RTP1: variants seen among roughly 807,000 people sequenced by gnomAD.
RTP1 encodes the protein receptor-transporting protein 1.
RTP1 carries 24 observed loss-of-function variants against 27.1 expected under a neutral mutation model. The ratio of observed to expected loss-of-function variants is 0.89; its 90% CI spans 0.64 to 1.25. The LOEUF (loss-of-function observed/expected upper bound fraction) is 1.25. Ranked by LOEUF, RTP1 falls within the 50% of genes most tolerant of loss-of-function variation. The probability of loss-of-function intolerance (pLI) is 0.00; values close to 1 mark genes in which losing one functional copy is unlikely to be tolerated. For missense variants in RTP1, 338 were observed against 351.6 expected (o/e 0.96, Z 0.31); for synonymous variants, 148 against 148.1 (o/e 1.00, Z 0.00).
Position 187,199,790 on chromosome 3 carries a change from G to C in RTP1, c.512G>C (p.Gly171Ala). 6.2e-7 allele frequency: 1 copy of C among 1,612,944 alleles called. No individual in the cohort carries two copies. The change falls in exon 2 of 2, where the codon GGC (glycine) becomes GCC (alanine). Residue 171 changes from glycine (G) to alanine (A), a missense_variant. Coordinates refer to ENST00000312295, the MANE Select transcript of RTP1 (RefSeq NM_153708.3). ...LREQCYGERG[G>A]QYRIHVASRQ... ...GAGCAGTGCTACGGCGAGCGTGGCG[G>C]CCAGTACCGCATCCACGTGGCCAGC...
Position 187,200,273 on chromosome 3 carries a change from C to A in RTP1, c.*203C>A. 2.2e-6 allele frequency: 1 copy of A among 448,574 alleles called. No homozygotes were observed. Among genetic ancestry groups the A allele is most frequent in the Non-Finnish European group, 3.7e-6 (1 of 271,244 alleles). The allele number at this position is 448,574 out of a possible 1,614,324, so 27.8% of individuals were successfully genotyped here. ...ATCATTGGTTTATCATAGTGAAACC[C>A]AGGACCCCAAAGTTCTGCGTAGGTG... On this transcript the variant is annotated 3_prime_UTR_variant, in exon 2 of 2. Coordinates refer to ENST00000312295, the MANE Select transcript of RTP1 (RefSeq NM_153708.3).
In RTP1 at chr3:187,200,450, CAAAAA is replaced by C. The variant is rs9331294; in HGVS notation, c.*395_*399del. Reference sequence around the variant, plus strand: ...AGGGTTCCATTTAAGATTTTTGTACCAAAAAAAAAAAAAAAAAAAGTTTAACTACT... The same window carrying C: ...AGGGTTCCATTTAAGATTTTTGTACCAAAAAAAAAAAAAAGTTTAACTACT... On this transcript the variant is annotated 3_prime_UTR_variant, in exon 2 of 2. Coordinates refer to ENST00000312295, the MANE Select transcript of RTP1 (RefSeq NM_153708.3). The C allele has an allele frequency of 6.0e-5, 7 of 116,266 alleles. No homozygotes were observed. Among genetic ancestry groups the C allele is most frequent in the South Asian group, 2.7e-4 (1 of 3,742 alleles). 7.2% of individuals were successfully genotyped at this position (116,266 alleles called of 1,614,324 possible).
In RTP1 at chr3:187,199,868, G is replaced by A. The variant is rs1721681556; in HGVS notation, c.590G>A (p.Gly197Asp). The change falls in exon 2 of 2, where the codon GGC becomes GAC. Residue 197 changes from glycine to aspartate, a missense_variant. Gly to Asp is a moderately conservative substitution (Grantham distance 94). Transcript: ENST00000312295. ...RGEFCEACQE[G>D]IVHWKPSEKL... ...GAGTTCTGCGAGGCCTGCCAGGAGG[G>A]CATCGTGCACTGGAAGCCCAGCGAG... is the stretch of plus-strand genomic sequence containing the variant. 1 of 1,597,766 alleles carries A rather than the reference G, an allele frequency of 6.3e-7. No homozygotes were observed. Among genetic ancestry groups the A allele is most frequent in the Non-Finnish European group, 8.6e-7 (1 of 1,167,736 alleles).
At chr3:187,199,471 C>G in intron 1 of RTP1, 80 bp from the exon 2 acceptor site, 1 of 1,455,226 alleles carries the variant, frequency 6.9e-7, no homozygotes, top group Non-Finnish European at 9.3e-7. Context: ...TTAGCCTCCA[C>G]GTCCCCTCAC....
chr3:187,199,293 G>A, intron 1 of RTP1: 2 of 475,880 alleles, frequency 4.2e-6, no homozygotes, highest in Non-Finnish European at 7.5e-6. Context: ...GGTGGTGGGA[G>A]TTAGGCCTCT....
chr3:187,199,934 G>C lies in RTP1; in HGVS notation c.656G>C (p.Arg219Pro). The C allele has an allele frequency of 1.3e-6, 2 of 1,596,118 alleles. No individual in the cohort carries two copies. Among genetic ancestry groups the C allele is most frequent in the Non-Finnish European group, 8.5e-7 (1 of 1,169,808 alleles). The stretch of plus-strand genomic sequence containing the variant: ...GAGGCGACCACCTACACCTTCTCCC[G>C]GGCGCCCAGCCCCACCAAGTCGCAG... ...EEEATTYTFS[R>P]APSPTKSQDQ... The change falls in exon 2 of 2, where the codon CGG (arginine) becomes CCG (proline). Residue 219 changes from arginine to proline, a missense_variant. Transcript: ENST00000312295.
In RTP1 at chr3:187,199,660, T is replaced by A. The variant is rs377451080; in HGVS notation, c.382T>A (p.Phe128Ile). ...GGCGGGCTCGGTGCGCATGCGCGTCTTCAAGCAGCTGTGCTATGAGTGCGG... is the reference window on the plus strand; with the variant it reads ...GGCGGGCTCGGTGCGCATGCGCGTCATCAAGCAGCTGTGCTATGAGTGCGG... ...QRAGSVRMRV[F>I]KQLCYECGTA... Residue 128 changes from phenylalanine (F) to isoleucine (I), a missense_variant, in exon 2 of 2, where the codon TTC becomes ATC. Transcript: ENST00000312295. The A allele has an allele frequency of 1.2e-6, 2 of 1,610,034 alleles. No homozygotes were observed. Among genetic ancestry groups the A allele is most frequent in the African/African-American group, 1.3e-5 (1 of 74,850 alleles).
rs773006204 is a variant in RTP1 at position 187,199,687 on chromosome 3, A to G, written c.409A>G (p.Thr137Ala). The G allele has an allele frequency of 6.8e-6, 11 of 1,612,352 alleles. No individual in the cohort carries two copies. Among genetic ancestry groups the G allele is most frequent in the Non-Finnish European group, 9.3e-6 (11 of 1,178,680 alleles). Reference sequence around the variant, plus strand: ...CAAGCAGCTGTGCTATGAGTGCGGCACGGCGCGGCTGGACGAGTCCAGCAT... The same window carrying G: ...CAAGCAGCTGTGCTATGAGTGCGGCGCGGCGCGGCTGGACGAGTCCAGCAT... ...VFKQLCYECG[T>A]ARLDESSMLE... The change falls in exon 2 of 2, where the codon ACG becomes GCG. Residue 137 changes from threonine to alanine, a missense_variant. Around this residue, in one of 3 missense-constraint regions of RTP1, gnomAD observed 252 missense variants for 231.5 expected, o/e 1.09. Transcript: ENST00000312295.
chr3:187,197,902 T>C, intron 1 of RTP1, 115 bp downstream of exon 1: 1 of 1,043,918 alleles, frequency 9.6e-7, no homozygotes, highest in Non-Finnish European at 1.4e-6. Context: ...TCAATCTCAC[T>C]ATTAGGCTGG....
At chr3:187,197,922 GA>G (rs1402113396) in intron 1 of RTP1, 135 bp downstream of exon 1, 1 of 849,220 alleles carries the variant, frequency 1.2e-6, no homozygotes, top group African/African-American at 1.7e-5. Context: ...GCGTAGACTG[GA>G]AGTCAGAGAA....
At position 187,197,548 on chromosome 3, in the gene RTP1, C is replaced by T; in HGVS notation, c.33C>T (p.Cys11=). 6.2e-7 allele frequency: 1 copy of T among 1,614,124 alleles called. No individual in the cohort carries two copies. The highest frequency in any genetic ancestry group is 8.5e-7 in the Non-Finnish European group (1 of 1,179,994). MRIFRPWRLR[C]PALHLPSLSV... ...TTTTTAGACCGTGGAGACTGCGCTG[C>T]CCTGCCCTGCACCTACCCTCACTCT... The change falls in exon 1 of 2, where the codon TGC becomes TGT. Residue 11 remains cysteine, a synonymous_variant. Transcript: ENST00000312295.
In RTP1 at chr3:187,197,604, C is replaced by T; in HGVS notation, c.89C>T (p.Ser30Phe). The change falls in exon 1 of 2, where the codon TCC becomes TTC. Residue 30 changes from serine (S) to phenylalanine (F), a missense_variant. Transcript: ENST00000312295. ...SVFSLRWKLP[S>F]LTTDETMCKS... ...TTCTCACTAAGGTGGAAATTGCCTT[C>T]CCTCACTACTGACGAGACCATGTGT... is the stretch of plus-strand genomic sequence containing the variant. 1.2e-6 allele frequency: 2 copies of T among 1,614,198 alleles called. No homozygotes were observed. The highest frequency in any genetic ancestry group is 1.7e-6 in the Non-Finnish European group (2 of 1,180,042).
rs567417140 is a variant in RTP1 at position 187,200,098 on chromosome 3, C to A, written c.*28C>A. On this transcript the variant is annotated 3_prime_UTR_variant, in exon 2 of 2. Transcript: ENST00000312295. Reference sequence around the variant, plus strand: ...TTCCGTGGTTGGGCCCAGAGCCTGTCGAGGGTGCCAGTTAGCTGATGCGAG... The same window carrying A: ...TTCCGTGGTTGGGCCCAGAGCCTGTAGAGGGTGCCAGTTAGCTGATGCGAG... The A allele has an allele frequency of 1.5e-5, 22 of 1,481,770 alleles. No homozygotes were observed. Among genetic ancestry groups the A allele is most frequent in the East Asian group, 2.3e-5 (1 of 43,570 alleles). 91.8% of individuals were successfully genotyped at this position (1,481,770 alleles called of 1,614,324 possible).
chr3:187,197,539 A>ACTGCG lies in RTP1; in HGVS notation c.29_33dup (p.Pro12AlafsTer15). 1 of 1,613,990 alleles carries ACTGCG rather than the reference A, an allele frequency of 6.2e-7. No homozygotes were observed. Among genetic ancestry groups the ACTGCG allele is most frequent in the Non-Finnish European group, 8.5e-7 (1 of 1,179,938 alleles). ...CGATGAGGATTTTTAGACCGTGGAG[A>ACTGCG]CTGCGCTGCCCTGCCCTGCACCTAC... On this transcript the variant is annotated frameshift_variant, in exon 1 of 2. Coordinates refer to ENST00000312295, the MANE Select transcript of RTP1 (RefSeq NM_153708.3). LOFTEE classifies it high-confidence loss of function.
intron 1 of RTP1, chr3:187,199,135 T>G: frequency 6.0e-6 from 1 of 165,562 alleles, no homozygotes; most frequent in Non-Finnish European, 1.3e-5. Context: ...TTTCTCCTAA[T>G]TTGGATCTAG....
At chr3:187,198,032 T>C (rs1721634334) in intron 1 of RTP1, 1 of 504,168 alleles carries the variant, frequency 2.0e-6, no homozygotes, top group Non-Finnish European at 3.5e-6. Flanking sequence ...TTTTTCCGTC[T>C]GGAAAATAAA....
In RTP1 at chr3:187,199,547, G is replaced by A. The variant is rs780132279; in HGVS notation, c.273-4G>A. On this transcript the variant is annotated splice_polypyrimidine_tract_variant and splice_region_variant and intron_variant, in intron 1 of 1. Transcript: ENST00000312295. ...TATTCCTCCCTCTCCTCCCGTCTCC[G>A]CAGGTTCCACTGCTCCTGGTGCTGG... The A allele has an allele frequency of 1.2e-5, 19 of 1,581,130 alleles. No homozygotes were observed. The East Asian group carries it at 1.8e-4, about 15-fold the overall frequency.
intron 1 of RTP1, among the ~76,000 whole-genome samples, chr3:187,198,199 A>G (rs1721638259): frequency 2.0e-5 from 3 of 152,240 alleles, no homozygotes; most frequent in African/African-American, 4.8e-5. Flanking sequence ...GTTTAAATCT[A>G]TTTAACTCAA....
chr3:187,198,278 C>T (rs1440266982), intron 1 of RTP1, among the ~76,000 whole-genome samples: 2 of 152,158 alleles, frequency 1.3e-5, no homozygotes, highest in Admixed American at 1.3e-4. Flanking sequence ...GGCTCCATGG[C>T]TGTTGAGGAA....
Sources: allele counts gnomAD v4.1 joint callset (sites outside exome capture counted in the v4.1 genomes callset), GRCh38; gene constraint gnomAD v4.1.1; regional missense constraint gnomAD v4.1.1; transcripts MANE v1.5; gene names NCBI Gene and HGNC (gene_info 2026-07-23, HGNC 2026-07-21).